The following STON2 variants were observed in gnomAD, a reference collection of about 807,000 sequenced individuals.
STON2 encodes stonin-2.
A neutral mutation model predicts 65.7 loss-of-function variants in STON2; 29 were observed. The observed-to-expected ratio is 0.44, with a 90% CI of 0.33 to 0.60. The LOEUF (loss-of-function observed/expected upper bound fraction) is 0.60. Among genes scored for constraint, STON2 ranks in the 20% least tolerant of loss-of-function variants. The pLI is 0.03. For synonymous variants in STON2, 404 were observed against 414.2 expected (o/e 0.98, Z 0.30); for missense variants, 1,054 against 1,118.1 (o/e 0.94, Z 0.82).
chr14:81,373,755 G>A (rs1021744698), intron 3 of STON2, among the ~76,000 whole-genome samples: 1 of 152,096 alleles, frequency 6.6e-6, no homozygotes, highest in Non-Finnish European at 1.5e-5. Flanking sequence ...AAGTCTTAAA[G>A]GGTAAGTTAG....
Position 81,377,565 on chromosome 14 carries a change from G to A in STON2, c.374-6380C>T, listed in dbSNP as rs371022203. ...TTGCTGGGTCATACGGTAATTGCACGTTTAGTTTTATAAGAAACCACCAAA... is the reference window on the plus strand; with the variant it reads ...TTGCTGGGTCATACGGTAATTGCACATTTAGTTTTATAAGAAACCACCAAA... On this transcript the variant is annotated intron_variant, in intron 3 of 7. Transcript: ENST00000614646. Among the ~76,000 whole-genome samples the A allele has an allele frequency of 8.5e-5, 13 of 152,234 alleles. No individual in the cohort carries two copies. The East Asian group carries it at 9.7e-4, about 11-fold the overall frequency.
chr14:81,336,987 A>C (rs1172591467), intron 4 of STON2, among the ~76,000 whole-genome samples: 1 of 152,182 alleles, frequency 6.6e-6, no homozygotes, highest in Non-Finnish European at 1.5e-5. Context: ...GAACTTTCCC[A>C]AGGTTCTTAG....
chr14:81,429,004 T>G (rs1479715715), intron 1 of STON2, among the ~76,000 whole-genome samples: 1 of 152,190 alleles, frequency 6.6e-6, no homozygotes, highest in Non-Finnish European at 1.5e-5. Context: ...GATGGTGTGT[T>G]TGCATGGACA....
rs1035503206 is a variant in STON2 at position 81,266,986 on chromosome 14, G to C, written c.*1428C>G. On this transcript the variant is annotated 3_prime_UTR_variant, in exon 8 of 8. Transcript: ENST00000614646. ...ATACTGTAACTATTTCTATATCCCA[G>C]TGTCAATACACATTTAGACTCCAAT... 3.0e-6 allele frequency: 3 copies of C among 985,286 alleles called. No individual in the cohort carries two copies. The highest frequency in any genetic ancestry group is 4.7e-5 in the South Asian group (1 of 21,282). 61.0% of individuals were successfully genotyped at this position (985,286 alleles called of 1,614,324 possible). A position where few individuals can be genotyped will look rare whatever the true frequency, so the allele number is the denominator to read the frequency against.
intron 2 of STON2, among the ~76,000 whole-genome samples, chr14:81,407,190 T>C (rs1316749239): frequency 6.6e-6 from 1 of 152,190 alleles, no homozygotes; most frequent in East Asian, 1.9e-4. Flanking sequence ...TTACCAAGTA[T>C]AACCAGAACT....
intron 5 of STON2, among the ~76,000 whole-genome samples, chr14:81,315,326 G>A (rs1049434426): frequency 3.9e-5 from 6 of 152,152 alleles, no homozygotes; most frequent in Admixed American, 2.6e-4. Context: ...CTCTTCAAGG[G>A]ACAAAAGACT....
At chr14:81,273,079 A>C (rs1894664599) in intron 6 of STON2, among the ~76,000 whole-genome samples, 1 of 152,222 alleles carries the variant, frequency 6.6e-6, no homozygotes, top group South Asian at 2.1e-4. Flanking sequence ...CAACTCTTTT[A>C]ATCTAATTAC....
intron 4 of STON2, among the ~76,000 whole-genome samples, chr14:81,353,175 G>A (rs1418766264): frequency 6.6e-6 from 1 of 152,144 alleles, no homozygotes. Context: ...AAAAAATGGA[G>A]ATTATTGGAT....
intron 5 of STON2, among the ~76,000 whole-genome samples, chr14:81,299,276 G>A (rs1005575220): frequency 3.9e-5 from 6 of 152,122 alleles, no homozygotes; most frequent in Admixed American, 1.3e-4. Context: ...CTCAATAAAG[G>A]TAGAAAAAGT....
chr14:81,271,846 T>C (rs1894607990), intron 6 of STON2, among the ~76,000 whole-genome samples: 1 of 152,174 alleles, frequency 6.6e-6, no homozygotes, highest in Non-Finnish European at 1.5e-5. Context: ...AGATTCTCTC[T>C]TTGAGTCTTC....
At position 81,408,161 on chromosome 14, in the gene STON2, G is replaced by GCA. The variant is rs1313540921; in HGVS notation, c.-198-9583_-198-9582dup. Among the ~76,000 whole-genome samples the GCA allele has an allele frequency of 9.9e-4, 116 of 117,346 alleles. 2 individuals are homozygous for GCA. In the South Asian group the frequency reaches 0.016, roughly 16 times the overall value. 77.0% of individuals were successfully genotyped at this position (117,346 alleles called of 152,430 possible). A position where few individuals can be genotyped will look rare whatever the true frequency, so the allele number is the denominator to read the frequency against. On this transcript the variant is annotated intron_variant, in intron 2 of 8. Transcript: ENST00000553821. The stretch of plus-strand genomic sequence containing the variant: ...AACACACACACACACACACACACGC[G>GCA]CACACACACACACATTAATTAATAG...
chr14:81,319,954 T>TATAA (rs1232577861), intron 5 of STON2, among the ~76,000 whole-genome samples: 3 of 152,216 alleles, frequency 2.0e-5, no homozygotes, highest in Non-Finnish European at 4.4e-5. Context: ...GCTATGTTAG[T>TATAA]ATAACAAACT....
At chr14:81,413,298 T>C (rs1307233767) in intron 2 of STON2, 6 of 1,346,824 alleles carry the variant, frequency 4.5e-6, no homozygotes, top group Non-Finnish European at 5.9e-6. Context: ...GCAGCCTAAA[T>C]TCCAAATACC....
chr14:81,434,228 G>A (rs1222103424), intron 1 of STON2, among the ~76,000 whole-genome samples: 2 of 152,206 alleles, frequency 1.3e-5, no homozygotes, highest in Non-Finnish European at 2.9e-5. Context: ...GCCTGGCTCA[G>A]AAAAACAAAG....
chr14:81,407,524 T>C (rs1005740780), intron 2 of STON2, among the ~76,000 whole-genome samples: 17 of 152,228 alleles, frequency 1.1e-4, no homozygotes, highest in Non-Finnish European at 1.5e-4. Flanking sequence ...CTCTTTTTCA[T>C]AGGTATTAAG....
Position 81,263,951 on chromosome 14 carries a change from C to A in STON2, c.*4463G>T. On this transcript the variant is annotated 3_prime_UTR_variant, in exon 8 of 8. Coordinates refer to ENST00000614646, the MANE Select transcript of STON2 (RefSeq NM_001394390.1). ...TTTTGACCTTACTATCTCAGACCTC[C>A]ATCTTACTGTGGTGACAAAATAAAT... 1.0e-6 allele frequency: 1 copy of A among 985,400 alleles called. No homozygotes were observed. 61.0% of individuals were successfully genotyped at this position (985,400 alleles called of 1,614,324 possible).
intron 4 of STON2, among the ~76,000 whole-genome samples, chr14:81,338,580 T>A (rs1897467287): frequency 6.6e-6 from 1 of 152,196 alleles, no homozygotes; most frequent in Non-Finnish European, 1.5e-5. Flanking sequence ...GAATCCCAGA[T>A]TTATATCTGG....
rs1894298535 is a variant in STON2 at position 81,264,956 on chromosome 14, A to G, written c.*3458T>C. The G allele has an allele frequency of 1.0e-6, 1 of 985,306 alleles. No homozygotes were observed. Among genetic ancestry groups the G allele is most frequent in the Non-Finnish European group, 1.2e-6 (1 of 829,932 alleles). 61.0% of individuals were successfully genotyped at this position (985,306 alleles called of 1,614,324 possible). A position where few individuals can be genotyped will look rare whatever the true frequency, so the allele number is the denominator to read the frequency against. Reference sequence around the variant, plus strand: ...AAAGCAGGCCCTAGACTCAAAAGAAAGCACAGCTCTTGATACCACGTGATA... The same window carrying G: ...AAAGCAGGCCCTAGACTCAAAAGAAGGCACAGCTCTTGATACCACGTGATA... On this transcript the variant is annotated 3_prime_UTR_variant, in exon 8 of 8. Coordinates refer to ENST00000614646, the MANE Select transcript of STON2 (RefSeq NM_001394390.1).
In STON2 at chr14:81,264,608, T is replaced by C; in HGVS notation, c.*3806A>G. 1.0e-6 allele frequency: 1 copy of C among 985,078 alleles called. No homozygotes were observed. The highest frequency in any genetic ancestry group is 1.2e-6 in the Non-Finnish European group (1 of 829,618). The allele number at this position is 985,078 out of a possible 1,614,324, so 61.0% of individuals were successfully genotyped here. A position where few individuals can be genotyped will look rare whatever the true frequency, so the allele number is the denominator to read the frequency against. The stretch of plus-strand genomic sequence containing the variant: ...AACATAAGTTTCTAGGGAAATAAAC[T>C]CTTACTCCCAGCCACTGGATTTGAA... On this transcript the variant is annotated 3_prime_UTR_variant, in exon 8 of 8. Coordinates refer to ENST00000614646, the MANE Select transcript of STON2 (RefSeq NM_001394390.1).
Sources: gnomAD v4.1 joint callset for allele counts (sites outside exome capture counted in the v4.1 genomes callset) on GRCh38, gnomAD v4.1.1 for gene constraint, MANE v1.5 for transcripts, NCBI Gene and HGNC (gene_info 2026-07-23, HGNC 2026-07-21) for gene names.